The following HDAC9 variants were observed in gnomAD, a reference collection of about 807,000 sequenced individuals.
HDAC9 encodes histone deacetylase 9.
Under a neutral mutation model 139.4 loss-of-function variants are expected in HDAC9, and 41 were observed. That is an observed-to-expected ratio of 0.29 (90% confidence interval 0.23 to 0.38). The LOEUF is 0.38. Among genes scored for constraint, HDAC9 ranks in the 10% least tolerant of loss-of-function variants. The pLI is 1.00. For synonymous variants in HDAC9, 517 were observed against 476.2 expected (o/e 1.09, Z -1.12); for missense variants, 1,147 against 1,297.0 (o/e 0.88, Z 1.78).
chr7:18,251,470 C>G (rs772504843), intron 2 of HDAC9, among the ~76,000 whole-genome samples: 5 of 152,102 alleles, frequency 3.3e-5, no homozygotes, highest in Admixed American at 2.6e-4. Flanking sequence ...ACACATTTAG[C>G]TGTGTAACAA....
At chr7:18,810,430 ATTCAAGGTAGAGTTC>A (rs201796093) in intron 17 of HDAC9, among the ~76,000 whole-genome samples, 3,135 of 152,010 alleles carry the variant, frequency 0.021, 43 homozygotes, top group Non-Finnish European at 0.031. Flanking sequence ...GTTTCCCAAG[ATTCAAGGTAGAGTTC>A]TTCTTTAATA....
chr7:18,652,950 A>G (rs1678495346), intron 11 of HDAC9, among the ~76,000 whole-genome samples: 1 of 152,056 alleles, frequency 6.6e-6, no homozygotes, highest in Admixed American at 6.6e-5. Flanking sequence ...ATAAACAGTA[A>G]TACAGGCCGG....
intron 2 of HDAC9, among the ~76,000 whole-genome samples, chr7:18,168,723 T>A (rs188087927): frequency 1.3e-3 from 200 of 152,282 alleles, no homozygotes; most frequent in Non-Finnish European, 2.3e-3. Flanking sequence ...TTCTGCATAT[T>A]TCTTAATTTT....
chr7:18,364,692 G>A (rs917943643), intron 1 of HDAC9, among the ~76,000 whole-genome samples: 2 of 152,034 alleles, frequency 1.3e-5, no homozygotes, highest in African/African-American at 4.8e-5. Flanking sequence ...GCTTGAGAAG[G>A]CCTGGTCTAC....
intron 2 of HDAC9, among the ~76,000 whole-genome samples, chr7:18,204,815 AC>A (rs1791381141): frequency 6.6e-6 from 1 of 151,986 alleles, no homozygotes; most frequent in South Asian, 2.1e-4. Flanking sequence ...TGTTTGATAA[AC>A]ATATTTCTGC....
intron 21 of HDAC9, among the ~76,000 whole-genome samples, chr7:18,850,223 T>TA (rs752701324): frequency 1.3e-5 from 2 of 151,482 alleles, no homozygotes; most frequent in Non-Finnish European, 2.9e-5. Flanking sequence ...AGAGAAAAAA[T>TA]ACTTTCCTTG....
At chr7:18,272,746 G>A (rs568563617) in intron 2 of HDAC9, among the ~76,000 whole-genome samples, 3 of 152,076 alleles carry the variant, frequency 2.0e-5, no homozygotes, top group Non-Finnish European at 4.4e-5. Flanking sequence ...TCAAATTGAG[G>A]TATGGGTTCA....
chr7:18,883,602 A>C (rs1294774359), intron 22 of HDAC9, among the ~76,000 whole-genome samples: 3 of 152,104 alleles, frequency 2.0e-5, no homozygotes, highest in African/African-American at 4.8e-5. Flanking sequence ...TGAAAAAATA[A>C]AAGTTTTTTT....
chr7:18,433,939 A>G (rs1790924338), intron 1 of HDAC9, among the ~76,000 whole-genome samples: 1 of 152,210 alleles, frequency 6.6e-6, no homozygotes, highest in African/African-American at 2.4e-5. Context: ...ACATGGAACC[A>G]AAAAAGAGCC....
At chr7:18,987,926 T>C (rs1367453665) in intron 25 of HDAC9, among the ~76,000 whole-genome samples, 1 of 150,964 alleles carries the variant, frequency 6.6e-6, no homozygotes, top group Admixed American at 6.7e-5. Flanking sequence ...CTCTTTATCA[T>C]TTTTTATCGC....
intron 6 of HDAC9, among the ~76,000 whole-genome samples, chr7:18,620,081 C>G (rs980493558): frequency 6.6e-6 from 1 of 152,176 alleles, no homozygotes; most frequent in African/African-American, 2.4e-5. Flanking sequence ...TTAACATGCA[C>G]TTTTTCCCAT....
intron 12 of HDAC9, chr7:18,667,080 T>C (rs17348528): frequency 0.11 from 113,026 of 984,766 alleles, 6,654 homozygotes; most frequent in East Asian, 0.17. Flanking sequence ...TAGGTTGCAA[T>C]TGAACATATT....
At position 18,162,386 on chromosome 7, in the gene HDAC9, C is replaced by T. The variant is rs111749555; in HGVS notation, c.25+37C>T. On this transcript the variant is annotated intron_variant, in intron 2 of 12. Transcript: ENST00000417496. ...TGCTTCTTAAACTGTTAATAGACTTCATGTGAAAGATGTTGCTTTGTGTTG... is the reference window on the plus strand; with the variant it reads ...TGCTTCTTAAACTGTTAATAGACTTTATGTGAAAGATGTTGCTTTGTGTTG... The T allele has an allele frequency of 1.4e-5, 21 of 1,512,570 alleles. No individual in the cohort carries two copies. The African/African-American group carries it at 2.1e-4, about 15-fold the overall frequency. 93.7% of individuals were successfully genotyped at this position (1,512,570 alleles called of 1,614,324 possible). A position where few individuals can be genotyped will look rare whatever the true frequency, so the allele number is the denominator to read the frequency against.
At chr7:18,962,012 A>AT (rs1202415192) in intron 24 of HDAC9, among the ~76,000 whole-genome samples, 2 of 152,192 alleles carry the variant, frequency 1.3e-5, no homozygotes, top group Non-Finnish European at 2.9e-5. Flanking sequence ...GTTCTGGCTA[A>AT]TTGAGATTTA....
chr7:18,522,155 G>A (rs1249957422), intron 2 of HDAC9, among the ~76,000 whole-genome samples: 3 of 152,246 alleles, frequency 2.0e-5, no homozygotes, highest in Middle Eastern at 3.4e-3. Context: ...TACAGCCCAC[G>A]TGTGAAAATC....
intron 22 of HDAC9, among the ~76,000 whole-genome samples, chr7:18,902,082 G>C (rs1454577109): frequency 2.0e-5 from 3 of 152,212 alleles, no homozygotes; most frequent in Non-Finnish European, 4.4e-5. Context: ...ACAGGCAACT[G>C]TTGCTGGAGG....
At chr7:18,175,779 C>T (rs955576865) in intron 2 of HDAC9, among the ~76,000 whole-genome samples, 1 of 130,672 alleles carries the variant, frequency 7.7e-6, no homozygotes, top group Non-Finnish European at 1.7e-5. Flanking sequence ...CCCCCCCCCC[C>T]CTTTTTTTAG....
chr7:18,990,618 T>A (rs770641472), intron 25 of HDAC9, among the ~76,000 whole-genome samples: 38 of 152,126 alleles, frequency 2.5e-4, no homozygotes, highest in Admixed American at 1.4e-3. Flanking sequence ...TAAGCAAGGC[T>A]GGGCAATGGC....
intron 1 of HDAC9, among the ~76,000 whole-genome samples, chr7:18,362,369 T>C (rs1449803163): frequency 1.3e-5 from 2 of 152,226 alleles, no homozygotes; most frequent in African/African-American, 4.8e-5. Context: ...AGAAGAACTT[T>C]GGTTTTTAAC....
Sources: gnomAD v4.1 joint callset for allele counts (sites outside exome capture counted in the v4.1 genomes callset) on GRCh38, gnomAD v4.1.1 for gene constraint, MANE v1.5 for transcripts, NCBI Gene and HGNC (gene_info 2026-07-23, HGNC 2026-07-21) for gene names.